Variants in STK32C observed in about 807,000 individuals in gnomAD.
The protein encoded by STK32C is serine/threonine kinase 32C.
A neutral mutation model predicts 56.5 loss-of-function variants in STK32C; 31 were observed. The ratio of observed to expected loss-of-function variants is 0.55; its 90% CI spans 0.41 to 0.74. The LOEUF is 0.74. Ranked by LOEUF, STK32C falls within the 30% of genes least tolerant of loss-of-function variation. The probability of loss-of-function intolerance (pLI) is 0.00; values close to 1 mark genes in which losing one functional copy is unlikely to be tolerated. For synonymous variants in STK32C, 309 were observed against 289.4 expected (o/e 1.07, Z -0.69); for missense variants, 544 against 676.9 (o/e 0.80, Z 2.18).
intron 10 of STK32C, among the ~76,000 whole-genome samples, chr10:132,216,110 C>T (rs532011636): frequency 3.3e-4 from 51 of 152,262 alleles, no homozygotes; most frequent in African/African-American, 1.2e-3. Context: ...TAAAGGCATT[C>T]CATTTTAAAA....
At chr10:132,211,874 G>A (rs2062312713) in intron 10 of STK32C, among the ~76,000 whole-genome samples, 1 of 152,140 alleles carries the variant, frequency 6.6e-6, no homozygotes, top group Admixed American at 6.5e-5. Context: ...GCCAAGCTCT[G>A]CTGGCATCTC....
Position 132,207,997 on chromosome 10 carries a change from C to T in STK32C, c.*13G>A, listed in dbSNP as rs754831123. 9 of 1,302,470 alleles carry T rather than the reference C, an allele frequency of 6.9e-6. No homozygotes were observed. The East Asian group carries it at 8.5e-5, about 12-fold the overall frequency. The allele number at this position is 1,302,470 out of a possible 1,614,324, so 80.7% of individuals were successfully genotyped here. A position where few individuals can be genotyped will look rare whatever the true frequency, so the allele number is the denominator to read the frequency against. On this transcript the variant is annotated 3_prime_UTR_variant, in exon 12 of 12. Coordinates refer to ENST00000298630, the MANE Select transcript of STK32C (RefSeq NM_173575.4). ...AAAGCAGCTCAAGGGGTGAGGACCA[C>T]GGGCGTCCCGGCCTAGCCGCTCCCG...
rs151223578 is a variant in STK32C, at chr10:132,225,538, T to C, written c.761A>G (p.Lys254Arg). ...GERATALAGT[K>R]PYMAPEIFHS... ...CAGCTCGGGCTCACCCATGTACGGC[T>C]TGGTGCCTGCTAATGCCGTCGCCCG... Residue 254 changes from lysine (K) to arginine (R), a missense_variant, in exon 6 of 12, where the codon AAG becomes AGG. By Grantham distance (26) the Lys-to-Arg change is conservative. Coordinates refer to ENST00000298630, the MANE Select transcript of STK32C (RefSeq NM_173575.4). 11 of 1,613,734 alleles carry C rather than the reference T, an allele frequency of 6.8e-6. No individual in the cohort carries two copies. The African/African-American group carries it at 1.3e-4, about 20-fold the overall frequency.
chr10:132,304,264 G>C (rs564830385), intron 1 of STK32C, among the ~76,000 whole-genome samples: 89 of 152,038 alleles, frequency 5.9e-4, no homozygotes, highest in African/African-American at 1.9e-3. Flanking sequence ...TCTCAGCCTC[G>C]ACTGCTGGTA....
chr10:132,232,824 C>T (rs1186802310), intron 2 of STK32C, among the ~76,000 whole-genome samples: 1 of 151,912 alleles, frequency 6.6e-6, no homozygotes, highest in Non-Finnish European at 1.5e-5. Flanking sequence ...CTATGAAACG[C>T]CACTGACGGG....
In STK32C at chr10:132,211,997, G is replaced by A. The variant is rs146981731; in HGVS notation, c.1252-2896C>T. Among the ~76,000 whole-genome samples, 42 of 152,116 alleles carry A rather than the reference G, an allele frequency of 2.8e-4. 1 individual carries two copies. Among genetic ancestry groups the A allele is most frequent in the South Asian group, 8.3e-4 (4 of 4,800 alleles). On this transcript the variant is annotated intron_variant, in intron 10 of 11. Coordinates refer to ENST00000298630, the MANE Select transcript of STK32C (RefSeq NM_173575.4). ...TTCACACATGCTGAGACACAGCCTC[G>A]GACCCCAGATGTCACCCACAGCGAG...
At chr10:132,294,269 A>T (rs1387852642) in intron 1 of STK32C, among the ~76,000 whole-genome samples, 1 of 152,086 alleles carries the variant, frequency 6.6e-6, no homozygotes, top group Non-Finnish European at 1.5e-5. Context: ...GGCACGGGGA[A>T]GGGGGTTGGG....
intron 1 of STK32C, among the ~76,000 whole-genome samples, chr10:132,266,157 G>A (rs571207678): frequency 2.0e-5 from 3 of 152,326 alleles, no homozygotes; most frequent in South Asian, 2.1e-4. Context: ...TTCTTTTAAA[G>A]GAACAAACTC....
chr10:132,311,881 C>T (rs935712742), upstream of STK32C, among the ~76,000 whole-genome samples: 7 of 152,198 alleles, frequency 4.6e-5, no homozygotes, highest in Admixed American at 3.3e-4. The surrounding 1 kb of genome is among the most constrained non-coding windows in gnomAD (Gnocchi z 4.4). Context: ...AGGGCCGGCA[C>T]GGACATGTCC....
rs369351680 is a variant in STK32C at position 132,290,473 on chromosome 10, C to A, written c.262+17099G>T. ...CAGCAGGTAGCACCTAGAGAGGATG[C>A]GATTACTGTGCACATGTGTGTATGC... On this transcript the variant is annotated intron_variant, in intron 1 of 11. Coordinates refer to ENST00000298630, the MANE Select transcript of STK32C (RefSeq NM_173575.4). Among the ~76,000 whole-genome samples the A allele has an allele frequency of 2.6e-5, 4 of 152,202 alleles. No homozygotes were observed. The South Asian group carries it at 6.2e-4, about 24-fold the overall frequency.
chr10:132,221,747 T>C (rs868823062), intron 10 of STK32C, among the ~76,000 whole-genome samples: 14 of 119,576 alleles, frequency 1.2e-4, no homozygotes, highest in East Asian at 5.3e-4. Flanking sequence ...TGGCCGTCCC[T>C]GCACACACAA....
chr10:132,228,243 C>T, intron 2 of STK32C, 115 bp from the exon 3 acceptor site: 6 of 1,391,262 alleles, frequency 4.3e-6, no homozygotes, highest in Non-Finnish European at 5.1e-6. Context: ...AAGGGGACAC[C>T]TGGGGACGCG....
chr10:132,246,244 C>CACACAT (rs1358910161), intron 1 of STK32C, among the ~76,000 whole-genome samples: 3 of 152,238 alleles, frequency 2.0e-5, no homozygotes, highest in African/African-American at 7.2e-5. Context: ...GAACCACACA[C>CACACAT]ACCTGAGTCC....
chr10:132,323,481 TAAAG>T (rs761603851), downstream of STK32C, among the ~76,000 whole-genome samples: 1 of 152,228 alleles, frequency 6.6e-6, no homozygotes, highest in Non-Finnish European at 1.5e-5. This position sits in a 1 kb window ranked among gnomAD's most constrained non-coding sequence, Gnocchi z 4.8. Context: ...TTTCCTCCAA[TAAAG>T]ACAGTTCCTT....
chr10:132,215,383 A>T (rs369209516), intron 10 of STK32C, among the ~76,000 whole-genome samples: 137 of 152,244 alleles, frequency 9.0e-4, no homozygotes, highest in African/African-American at 3.2e-3. Context: ...GACTCCCACA[A>T]TTCCCGTGTG....
At chr10:132,277,289 C>T (rs1050859912) in intron 1 of STK32C, among the ~76,000 whole-genome samples, 3 of 152,206 alleles carry the variant, frequency 2.0e-5, no homozygotes, top group Non-Finnish European at 4.4e-5. Flanking sequence ...AGGACACCAG[C>T]ACCTGGACTT....
chr10:132,295,799 G>A lies in STK32C; in HGVS notation c.262+11773C>T, dbSNP rs146216989. On this transcript the variant is annotated intron_variant, in intron 1 of 11. Transcript: ENST00000298630. ...CTCGGGAGGCTGAGGAAAAAGAATC[G>A]CTTGAACCCAGAGGCGGAGGCTGCA... Among the ~76,000 whole-genome samples the A allele has an allele frequency of 6.7e-4, 102 of 152,176 alleles. No homozygotes were observed. The East Asian group carries it at 0.013, about 20-fold the overall frequency.
At chr10:132,269,122 CGT>C (rs1161563908) in intron 1 of STK32C, among the ~76,000 whole-genome samples, 1 of 150,014 alleles carries the variant, frequency 6.7e-6, no homozygotes, top group African/African-American at 2.5e-5. Context: ...TGTGTGCCTG[CGT>C]GTGTACATGC....
At chr10:132,270,059 G>A (rs895923104) in intron 1 of STK32C, among the ~76,000 whole-genome samples, 1 of 152,230 alleles carries the variant, frequency 6.6e-6, no homozygotes, top group Non-Finnish European at 1.5e-5. Context: ...TTGGGACAGC[G>A]TCCCCTCAAC....
Sources: allele counts gnomAD v4.1 joint callset (sites outside exome capture counted in the v4.1 genomes callset), GRCh38; gene constraint gnomAD v4.1.1; non-coding constraint Gnocchi (gnomAD v3.1); transcripts MANE v1.5; gene names NCBI Gene and HGNC (gene_info 2026-07-23, HGNC 2026-07-21).